Variants in RNF216 observed in about 807,000 individuals in gnomAD.
RNF216 encodes E3 ubiquitin-protein ligase RNF216.
RNF216 carries 72 observed loss-of-function variants against 110.8 expected under a neutral mutation model. The observed-to-expected ratio is 0.65, with a 90% CI of 0.54 to 0.79. RNF216 has a LOEUF of 0.79. Among genes scored for constraint, RNF216 ranks in the 30% least tolerant of loss-of-function variants. The probability of loss-of-function intolerance (pLI) is 0.00; values close to 1 mark genes in which losing one functional copy is unlikely to be tolerated. For missense variants in RNF216, 1,342 were observed against 1,141.2 expected (o/e 1.18, Z -2.54); for synonymous variants, 495 against 407.5 (o/e 1.21, Z -2.59).
intron 3 of RNF216, among the ~76,000 whole-genome samples, chr7:5,751,809 C>T (rs1249726572): frequency 1.0e-5 from 1 of 96,128 alleles, no homozygotes; most frequent in East Asian, 2.4e-4. Context: ...ACAATAAAGC[C>T]AACTGGGATC....
chr7:5,761,923 T>A (rs1442432146), intron 1 of RNF216, among the ~76,000 whole-genome samples: 1 of 152,290 alleles, frequency 6.6e-6, no homozygotes, highest in African/African-American at 2.4e-5. Context: ...CAATTAGCAA[T>A]ACGCCCTAAA....
At chr7:5,663,842 G>C (rs1285723757) in intron 13 of RNF216, among the ~76,000 whole-genome samples, 1 of 152,100 alleles carries the variant, frequency 6.6e-6, no homozygotes, top group African/African-American at 2.4e-5. Flanking sequence ...AGGGTGCAAT[G>C]AGCCGAGATC....
intron 12 of RNF216, 73 bp from the exon 13 acceptor site, chr7:5,711,912 G>A (rs1253981058): frequency 7.5e-7 from 1 of 1,338,686 alleles, no homozygotes; most frequent in Non-Finnish European, 1.1e-6. Context: ...CCATGTGGCT[G>A]TTCATATGAA....
intron 13 of RNF216, among the ~76,000 whole-genome samples, chr7:5,694,963 C>G (rs1791537535): frequency 1.3e-5 from 2 of 152,210 alleles, no homozygotes; most frequent in African/African-American, 2.4e-5. Context: ...ACATACAAAT[C>G]CACCAACTAA....
intron 2 of RNF216, among the ~76,000 whole-genome samples, chr7:5,758,507 C>A (rs1411108576): frequency 6.6e-6 from 1 of 152,186 alleles, no homozygotes; most frequent in African/African-American, 2.4e-5. Context: ...TTTTCTTCCA[C>A]TTGTGTCACT....
intron 15 of RNF216, among the ~76,000 whole-genome samples, chr7:5,626,222 AG>A (rs1380506525): frequency 6.6e-6 from 1 of 152,160 alleles, no homozygotes; most frequent in Non-Finnish European, 1.5e-5. Flanking sequence ...ACACTCCACA[AG>A]GGGGAACTTA....
At chr7:5,764,167 T>G (rs1287959464) in intron 1 of RNF216, among the ~76,000 whole-genome samples, 1 of 150,436 alleles carries the variant, frequency 6.6e-6, no homozygotes, top group African/African-American at 2.5e-5. Context: ...CACTCCAGGT[T>G]GGGAGACAAG....
intron 2 of RNF216, among the ~76,000 whole-genome samples, chr7:5,755,739 G>C (rs969320496): frequency 6.6e-6 from 1 of 152,158 alleles, no homozygotes; most frequent in African/African-American, 2.4e-5. Flanking sequence ...GGCTACTGTG[G>C]ATAGTGCTAT....
intron 1 of RNF216, among the ~76,000 whole-genome samples, chr7:5,779,334 G>A (rs149737920): frequency 2.0e-5 from 3 of 151,952 alleles, no homozygotes; most frequent in African/African-American, 7.3e-5. Context: ...CTAAAGCCTC[G>A]AATGAGGTTT....
rs756705205 is a variant in RNF216 at position 5,740,965 on chromosome 7, A to C, written c.1044+8T>G. On this transcript the variant is annotated splice_region_variant and intron_variant, in intron 4 of 16. Coordinates refer to ENST00000389902, the MANE Select transcript of RNF216 (RefSeq NM_207111.4). The stretch of plus-strand genomic sequence containing the variant: ...GTGTCTACATTTACTTGATAAAATA[A>C]AACTTACCGTTTCTTTCACTAGTAG... 2 of 1,579,304 alleles carry C rather than the reference A, an allele frequency of 1.3e-6. No individual in the cohort carries two copies. Among genetic ancestry groups the C allele is most frequent in the East Asian group, 2.2e-5 (1 of 44,724 alleles).
chr7:5,667,751 T>C (rs946921144), intron 13 of RNF216, among the ~76,000 whole-genome samples: 1 of 152,222 alleles, frequency 6.6e-6, no homozygotes, highest in African/African-American at 2.4e-5. Flanking sequence ...CAGCATGCCC[T>C]GGAAGAGAGG....
intron 15 of RNF216, among the ~76,000 whole-genome samples, chr7:5,625,130 G>A (rs1439397805): frequency 1.3e-5 from 2 of 152,238 alleles, no homozygotes; most frequent in African/African-American, 4.8e-5. Flanking sequence ...GGGGGCTGAG[G>A]CTCACAAGCA....
At chr7:5,652,607 C>A in intron 13 of RNF216, 97 bp from the exon 14 acceptor site, 1 of 786,298 alleles carries the variant, frequency 1.3e-6, no homozygotes, top group South Asian at 1.5e-5. Flanking sequence ...CTTTACTTGG[C>A]TTGAATTCTT....
chr7:5,765,978 A>T (rs975736826), intron 1 of RNF216, among the ~76,000 whole-genome samples: 3 of 150,450 alleles, frequency 2.0e-5, no homozygotes, highest in African/African-American at 2.4e-5. Context: ...GAAAGAAAGA[A>T]ATAGAAACAT....
At chr7:5,681,417 G>C (rs1258601584) in intron 13 of RNF216, among the ~76,000 whole-genome samples, 1 of 152,130 alleles carries the variant, frequency 6.6e-6, no homozygotes, top group African/African-American at 2.4e-5. Flanking sequence ...AAACAACTGT[G>C]GATTACCAAG....
Position 5,741,672 on chromosome 7 carries a change from G to C in RNF216, c.345C>G (p.Asn115Lys), listed in dbSNP as rs144835147. The change falls in exon 4 of 17, where the codon AAC becomes AAG. Residue 115 changes from asparagine (N) to lysine (K), a missense_variant. Asn to Lys is a moderately conservative substitution (Grantham distance 94, BLOSUM62 0). Coordinates refer to ENST00000389902, the MANE Select transcript of RNF216 (RefSeq NM_207111.4). ...SDKSSYFSVC[N>K]NPLFDSGAQD... ...GTGCCCCAGAATCAAACAATGGGTT[G>C]TTACACACTGAAAAATAGCTGCTCT... 1.9e-6 allele frequency: 3 copies of C among 1,614,050 alleles called. No homozygotes were observed. The African/African-American group carries it at 4.0e-5, about 22-fold the overall frequency.
At chr7:5,730,505 A>T (rs1291588547) in intron 6 of RNF216, among the ~76,000 whole-genome samples, 6 of 152,284 alleles carry the variant, frequency 3.9e-5, no homozygotes, top group Non-Finnish European at 7.3e-5. Context: ...AAGGAAAGAT[A>T]GAAGTTAAAG....
Position 5,739,520 on chromosome 7 carries a change from G to A in RNF216, c.1045-168C>T, listed in dbSNP as rs748882399. Reference sequence around the variant, plus strand: ...TCAACACTAGTTCCCAGATTCATCTGTCTACATAGAAGATGAGGTCTAGAA... The same window carrying A: ...TCAACACTAGTTCCCAGATTCATCTATCTACATAGAAGATGAGGTCTAGAA... On this transcript the variant is annotated intron_variant, in intron 4 of 16. Transcript: ENST00000389902. 9.8e-6 allele frequency: 7 copies of A among 716,666 alleles called. No homozygotes were observed. In the African/African-American group the frequency reaches 1.0e-4, roughly 11 times the overall value. 44.4% of individuals were successfully genotyped at this position (716,666 alleles called of 1,614,324 possible).
intron 14 of RNF216, among the ~76,000 whole-genome samples, chr7:5,648,727 C>CAAA (rs10684747): frequency 3.9e-4 from 35 of 89,948 alleles, no homozygotes; most frequent in African/African-American, 1.2e-3. Context: ...GACTCTGTCT[C>CAAA]AAAAAAAAAA....
Sources: allele counts gnomAD v4.1 joint callset (sites outside exome capture counted in the v4.1 genomes callset), GRCh38; gene constraint gnomAD v4.1.1; transcripts MANE v1.5; gene names NCBI Gene and HGNC (gene_info 2026-07-23, HGNC 2026-07-21).